ITGB5: variants seen among roughly 807,000 people sequenced by gnomAD.
The protein encoded by ITGB5 is integrin subunit beta 5.
In ITGB5, 38 loss-of-function variants were observed where a neutral mutation model predicts 84.8. The observed-to-expected ratio is 0.45, with a 90% confidence interval of 0.35 to 0.59. ITGB5 has a LOEUF of 0.59. Among genes scored for constraint, ITGB5 ranks in the 20% least tolerant of loss-of-function variants. The probability of loss-of-function intolerance (pLI) is 0.01; values close to 1 mark genes in which losing one functional copy is unlikely to be tolerated. For synonymous variants in ITGB5, 393 were observed against 414.4 expected (o/e 0.95, Z 0.63); for missense variants, 905 against 1,034.5 (o/e 0.87, Z 1.72).
intron 9 of ITGB5, among the ~76,000 whole-genome samples, chr3:124,802,278 G>A (rs2064327246): frequency 6.6e-6 from 1 of 152,242 alleles, no homozygotes; most frequent in Non-Finnish European, 1.5e-5. Flanking sequence ...GTTCTGAAAT[G>A]TATGGCTTGG....
In ITGB5 at chr3:124,764,575, A is replaced by G. The variant is rs1489230769; in HGVS notation, c.2138-18T>C. 7 of 1,592,042 alleles carry G rather than the reference A, an allele frequency of 4.4e-6. No individual in the cohort carries two copies. Among genetic ancestry groups the G allele is most frequent in the African/African-American group, 1.3e-5 (1 of 74,686 alleles). On this transcript the variant is annotated intron_variant, in intron 13 of 14. Coordinates refer to ENST00000296181, the MANE Select transcript of ITGB5 (RefSeq NM_002213.5). ...TCCACACTCTGGGGGGACCAGAAGC[A>G]TGGTAAGCAAAGCCACTAGCATCAC...
intron 6 of ITGB5, among the ~76,000 whole-genome samples, chr3:124,820,336 C>A (rs3772838): frequency 3.3e-5 from 5 of 152,092 alleles, no homozygotes; most frequent in Non-Finnish European, 7.4e-5. Flanking sequence ...GTGGCTCAGA[C>A]GGGCAGAGGA....
At chr3:124,852,430 C>G (rs548864976) in intron 3 of ITGB5, among the ~76,000 whole-genome samples, 28 of 152,076 alleles carry the variant, frequency 1.8e-4, no homozygotes, top group East Asian at 9.7e-4. Context: ...GGCAGCCCCC[C>G]TCATGTCCTT....
intron 2 of ITGB5, among the ~76,000 whole-genome samples, chr3:124,871,896 A>G (rs1934075162): frequency 6.6e-6 from 1 of 152,042 alleles, no homozygotes; most frequent in Admixed American, 6.6e-5. Flanking sequence ...GGAGGAAGAA[A>G]AAGCCAGGAA....
chr3:124,848,663 T>C (rs1367077097), intron 3 of ITGB5, 105 bp from the exon 4 acceptor site: 25 of 1,249,792 alleles, frequency 2.0e-5, no homozygotes, highest in Non-Finnish European at 2.5e-5. Context: ...TTTTCTTTAG[T>C]GATTGTGTGC....
intron 4 of ITGB5, among the ~76,000 whole-genome samples, chr3:124,845,721 G>A (rs933657770): frequency 2.0e-5 from 3 of 152,148 alleles, no homozygotes; most frequent in East Asian, 3.9e-4. Flanking sequence ...CTAGTGTCTC[G>A]GTCAGTGGAA....
At chr3:124,840,048 T>A (rs1434131646) in intron 5 of ITGB5, among the ~76,000 whole-genome samples, 1 of 152,250 alleles carries the variant, frequency 6.6e-6, no homozygotes, top group East Asian at 1.9e-4. Flanking sequence ...CATTTTGGTT[T>A]TTTATTTCAG....
chr3:124,865,481 C>CTTTTTTTTTTTTTTTTT (rs59446328), intron 2 of ITGB5, among the ~76,000 whole-genome samples: 1 of 93,294 alleles, frequency 1.1e-5, no homozygotes, highest in African/African-American at 4.1e-5. Context: ...CGGCTTTTTT[C>CTTTTTTTTTTTTTTTTT]TTTTTTTTTT....
At chr3:124,834,735 A>G (rs1409121765) in intron 5 of ITGB5, among the ~76,000 whole-genome samples, 1 of 152,160 alleles carries the variant, frequency 6.6e-6, no homozygotes, top group Admixed American at 6.5e-5. Flanking sequence ...GTAGTATCAA[A>G]GAAAACCAGG....
intron 1 of ITGB5, among the ~76,000 whole-genome samples, chr3:124,897,554 G>GTT (rs1164188833): frequency 4.6e-5 from 7 of 152,178 alleles, no homozygotes; most frequent in Non-Finnish European, 7.4e-5. Context: ...AGGCGTAGTG[G>GTT]CTCATGCCTG....
At chr3:124,858,465 C>T (rs2065250434) in intron 3 of ITGB5, among the ~76,000 whole-genome samples, 1 of 152,164 alleles carries the variant, frequency 6.6e-6, no homozygotes, top group Non-Finnish European at 1.5e-5. Flanking sequence ...CAGCATTATT[C>T]ACAAGAGCCA....
intron 3 of ITGB5, among the ~76,000 whole-genome samples, chr3:124,856,939 A>T (rs1034345037): frequency 6.6e-6 from 1 of 152,154 alleles, no homozygotes; most frequent in Non-Finnish European, 1.5e-5. Context: ...TCAATTCAGT[A>T]TCTCACTAAA....
chr3:124,773,797 G>A lies in ITGB5; in HGVS notation c.1809C>T (p.Ser603=), dbSNP rs146672484. The A allele has an allele frequency of 1.1e-4, 181 of 1,613,860 alleles. No homozygotes were observed. The highest frequency in any genetic ancestry group is 3.5e-4 in the Middle Eastern group (2 of 5,774). Residue 603 remains serine, a synonymous_variant, in exon 11 of 15, where the codon AGC becomes AGT. Coordinates refer to ENST00000296181, the MANE Select transcript of ITGB5 (RefSeq NM_002213.5). ...TCRGRDGQIC[S]ERGHCLCGQC... ...GCCCACAGAGACAGTGCCCACGCTC[G>A]CTGCAGATCTGGCCATCTCTGCCCC...
chr3:124,803,760 T>C (rs541282150), intron 9 of ITGB5, among the ~76,000 whole-genome samples: 1 of 152,340 alleles, frequency 6.6e-6, no homozygotes, highest in South Asian at 2.1e-4. Flanking sequence ...GATTGTACTT[T>C]GTGCTGGTAG....
At chr3:124,799,556 TCTCAAA>T (rs2064285340) in intron 9 of ITGB5, among the ~76,000 whole-genome samples, 1 of 152,002 alleles carries the variant, frequency 6.6e-6, no homozygotes, top group Non-Finnish European at 1.5e-5. Context: ...TGAGATCTTG[TCTCAAA>T]AAGAAAAAAA....
chr3:124,858,432 C>T (rs1404084172), intron 3 of ITGB5, among the ~76,000 whole-genome samples: 1 of 152,122 alleles, frequency 6.6e-6, no homozygotes, highest in Non-Finnish European at 1.5e-5. Context: ...GTAAATCTAC[C>T]AGCATCCTCC....
At chr3:124,849,025 C>T (rs919157922) in intron 3 of ITGB5, among the ~76,000 whole-genome samples, 1 of 152,102 alleles carries the variant, frequency 6.6e-6, no homozygotes, top group Non-Finnish European at 1.5e-5. Context: ...AGTGATCCAC[C>T]TACCTCAGCC....
upstream of ITGB5, among the ~76,000 whole-genome samples, chr3:124,891,690 G>A (rs184437063): frequency 1.6e-3 from 240 of 151,878 alleles, no homozygotes; most frequent in African/African-American, 2.3e-3. Flanking sequence ...TGGGATGACC[G>A]AGGCAGGAGG....
At chr3:124,886,025 C>G (rs948053447) in intron 1 of ITGB5, among the ~76,000 whole-genome samples, 1 of 152,208 alleles carries the variant, frequency 6.6e-6, no homozygotes, top group Non-Finnish European at 1.5e-5. Flanking sequence ...GCATCCCAAA[C>G]AAGTGCATCC....
Sources: allele counts gnomAD v4.1 joint callset (sites outside exome capture counted in the v4.1 genomes callset), GRCh38; gene constraint gnomAD v4.1.1; transcripts MANE v1.5; gene names NCBI Gene and HGNC (gene_info 2026-07-23, HGNC 2026-07-21).